RARB: variants seen among roughly 807,000 people sequenced by gnomAD.
The protein encoded by RARB is HBV-activated protein.
A neutral mutation model predicts 51.9 loss-of-function variants in RARB; 17 were observed. The observed-to-expected ratio is 0.33, with a 90% CI of 0.22 to 0.49. RARB has a LOEUF of 0.49. RARB is among the 20% of genes least tolerant of loss of function. RARB has a pLI of 0.99. For synonymous variants in RARB, 215 were observed against 195.4 expected (o/e 1.10, Z -0.84); for missense variants, 369 against 550.8 (o/e 0.67, Z 3.30).
chr3:24,950,051 G>A (rs912336529), intron 2 of RARB, among the ~76,000 whole-genome samples: 1 of 152,168 alleles, frequency 6.6e-6, no homozygotes, highest in Non-Finnish European at 1.5e-5. Context: ...TAATGTAGGT[G>A]AGCATCACCT....
chr3:25,097,126 C>T (rs1449474676), intron 3 of RARB, among the ~76,000 whole-genome samples: 1 of 152,134 alleles, frequency 6.6e-6, no homozygotes, highest in Admixed American at 6.6e-5. Context: ...CAATCAGAGA[C>T]AGTAACAATT....
At chr3:24,941,324 T>C (rs948463899) in intron 2 of RARB, among the ~76,000 whole-genome samples, 1 of 152,134 alleles carries the variant, frequency 6.6e-6, no homozygotes, top group African/African-American at 2.4e-5. Context: ...ACGTAATTCT[T>C]AAATGATATT....
At chr3:25,055,354 G>C (rs889370896) in intron 2 of RARB, among the ~76,000 whole-genome samples, 1 of 152,098 alleles carries the variant, frequency 6.6e-6, no homozygotes, top group African/African-American at 2.4e-5. Flanking sequence ...TACCATGAAT[G>C]TATTTGATGA....
At chr3:25,230,112 A>T (rs1052718584) in intron 5 of RARB, among the ~76,000 whole-genome samples, 8 of 152,122 alleles carry the variant, frequency 5.3e-5, no homozygotes, top group Non-Finnish European at 1.0e-4. Flanking sequence ...TATTAATGAG[A>T]TTCCCTCTTC....
intron 2 of RARB, among the ~76,000 whole-genome samples, chr3:24,886,238 G>C (rs540679245): frequency 3.0e-4 from 46 of 152,190 alleles, no homozygotes; most frequent in Middle Eastern, 3.4e-3. Flanking sequence ...TTGTAGCTTG[G>C]ATATGTCTGG....
chr3:25,588,444 G>A (rs1484996614), intron 5 of RARB, among the ~76,000 whole-genome samples: 2 of 152,200 alleles, frequency 1.3e-5, no homozygotes, highest in African/African-American at 2.4e-5. Flanking sequence ...TACATGGTTA[G>A]GGAGAATGCC....
chr3:25,426,898 T>A (rs755240827), upstream of RARB, among the ~76,000 whole-genome samples: 1 of 152,200 alleles, frequency 6.6e-6, no homozygotes, highest in African/African-American at 2.4e-5. Context: ...CTGGAAAGAC[T>A]CTTCTTCCTG....
chr3:24,991,954 G>T (rs1387717636), intron 2 of RARB, among the ~76,000 whole-genome samples: 1 of 152,020 alleles, frequency 6.6e-6, no homozygotes, highest in African/African-American at 2.4e-5. Flanking sequence ...ACTGTGCAGA[G>T]GTGTACCTTC....
intron 5 of RARB, among the ~76,000 whole-genome samples, chr3:25,347,485 T>G (rs9823899): frequency 6.6e-6 from 1 of 152,188 alleles, no homozygotes; most frequent in African/African-American, 2.4e-5. Flanking sequence ...CAAAGAAAAT[T>G]GCCTTTAGGC....
intron 5 of RARB, among the ~76,000 whole-genome samples, chr3:25,272,958 C>T (rs2125412235): frequency 6.6e-6 from 1 of 152,306 alleles, no homozygotes; most frequent in Non-Finnish European, 1.5e-5. Flanking sequence ...CTATCTAAGC[C>T]AGTACAACTG....
intron 5 of RARB, among the ~76,000 whole-genome samples, chr3:25,586,901 G>A (rs990134608): frequency 6.6e-6 from 1 of 152,204 alleles, no homozygotes; most frequent in African/African-American, 2.4e-5. Flanking sequence ...AGGAGGCCCT[G>A]GGTCTCTCCT....
chr3:25,114,017 T>C (rs1306926964), intron 3 of RARB, among the ~76,000 whole-genome samples: 1 of 152,204 alleles, frequency 6.6e-6, no homozygotes, highest in African/African-American at 2.4e-5. Flanking sequence ...GATTTAAAGA[T>C]GGTGTATAAG....
At chr3:25,537,883 A>G (rs915336228) in intron 3 of RARB, among the ~76,000 whole-genome samples, 4 of 152,098 alleles carry the variant, frequency 2.6e-5, no homozygotes, top group Admixed American at 1.3e-4. Context: ...TAGCCTGCCT[A>G]TTTTGTTGTT....
intron 4 of RARB, among the ~76,000 whole-genome samples, chr3:25,579,435 C>T (rs1467537133): frequency 1.3e-5 from 2 of 152,182 alleles, no homozygotes; most frequent in Non-Finnish European, 2.9e-5. Context: ...TTTGCCTTTT[C>T]CAGAACGTCA....
chr3:24,908,913 T>C (rs1278005591), intron 2 of RARB, among the ~76,000 whole-genome samples: 1 of 152,136 alleles, frequency 6.6e-6, no homozygotes, highest in African/African-American at 2.4e-5. Context: ...CAGCTATCCA[T>C]ATTCAACTCC....
At chr3:24,915,576 A>T (rs922821263) in intron 2 of RARB, among the ~76,000 whole-genome samples, 2 of 152,284 alleles carry the variant, frequency 1.3e-5, no homozygotes, top group Non-Finnish European at 1.5e-5. Flanking sequence ...TTTGAACTAG[A>T]GATATATGCC....
At chr3:24,913,937 G>A (rs1369768750) in intron 2 of RARB, among the ~76,000 whole-genome samples, 1 of 152,194 alleles carries the variant, frequency 6.6e-6, no homozygotes, top group African/African-American at 2.4e-5. Context: ...TTAAGCTCTA[G>A]TCTATCTAAA....
At chr3:25,113,189 C>G (rs1699631723) in intron 3 of RARB, among the ~76,000 whole-genome samples, 1 of 152,154 alleles carries the variant, frequency 6.6e-6, no homozygotes, top group Non-Finnish European at 1.5e-5. Context: ...TATCTGAACT[C>G]ATGTGGTCTG....
At chr3:25,154,836 G>A (rs551282851) in intron 4 of RARB, among the ~76,000 whole-genome samples, 97 of 152,052 alleles carry the variant, frequency 6.4e-4, no homozygotes, top group Non-Finnish European at 9.7e-4. Flanking sequence ...CATAATACTC[G>A]CACCTACCTA....
Sources: gnomAD v4.1 joint callset for allele counts (sites outside exome capture counted in the v4.1 genomes callset) on GRCh38, gnomAD v4.1.1 for gene constraint, MANE v1.5 for transcripts, NCBI Gene and HGNC (gene_info 2026-07-23, HGNC 2026-07-21) for gene names.